Variants in ARB2A observed in about 807,000 individuals in gnomAD.
The protein encoded by ARB2A is ARB2 cotranscriptional regulator A.
the ARB2A span, among the ~76,000 whole-genome samples, chr5:94,015,336 T>C: frequency 6.6e-6 from 1 of 151,944 alleles, no homozygotes; most frequent in South Asian, 2.1e-4. Context: ...AAGTCTTTCG[T>C]AGACAAACAA....
the ARB2A span, among the ~76,000 whole-genome samples, chr5:93,632,049 C>T: frequency 6.6e-6 from 1 of 152,076 alleles, no homozygotes; most frequent in South Asian, 2.1e-4. Flanking sequence ...TCATTGTATG[C>T]CAGGCACTGT....
chr5:93,935,158 C>A, the ARB2A span, among the ~76,000 whole-genome samples: 1 of 151,896 alleles, frequency 6.6e-6, no homozygotes, highest in African/African-American at 2.4e-5. Context: ...ATTGGGTGCA[C>A]CAAAATATAA....
the ARB2A span, among the ~76,000 whole-genome samples, chr5:93,760,570 C>G: frequency 6.6e-6 from 1 of 152,100 alleles, no homozygotes; most frequent in Non-Finnish European, 1.5e-5. Flanking sequence ...ATCAATGGAA[C>G]AGAATAGAGA....
At chr5:94,024,686 G>A in the ARB2A span, among the ~76,000 whole-genome samples, 1 of 152,200 alleles carries the variant, frequency 6.6e-6, no homozygotes, top group East Asian at 1.9e-4. Flanking sequence ...AGACACAAAG[G>A]AGAGAGAGGT....
At chr5:93,980,268 G>A in the ARB2A span, among the ~76,000 whole-genome samples, 1 of 152,122 alleles carries the variant, frequency 6.6e-6, no homozygotes, top group East Asian at 1.9e-4. Flanking sequence ...TACAATTCTG[G>A]ATCAATAGTT....
At chr5:93,817,964 CA>C in the ARB2A span, among the ~76,000 whole-genome samples, 1 of 151,548 alleles carries the variant, frequency 6.6e-6, no homozygotes, top group African/African-American at 2.4e-5. Context: ...AGATTTGTAC[CA>C]ATATATAAAG....
At chr5:93,853,762 A>C in the ARB2A span, among the ~76,000 whole-genome samples, 1 of 152,214 alleles carries the variant, frequency 6.6e-6, no homozygotes, top group Non-Finnish European at 1.5e-5. Flanking sequence ...GATTACATAA[A>C]TTGATTTGCG....
the ARB2A span, among the ~76,000 whole-genome samples, chr5:94,071,788 T>C: frequency 6.6e-6 from 1 of 152,106 alleles, no homozygotes. Context: ...GTACAGCCAC[T>C]CTGGAAAATA....
chr5:93,822,273 G>A, the ARB2A span, among the ~76,000 whole-genome samples: 19 of 152,250 alleles, frequency 1.2e-4, no homozygotes, highest in African/African-American at 4.3e-4. Flanking sequence ...ACATCTGTGT[G>A]CTTTATATTA....
the ARB2A span, among the ~76,000 whole-genome samples, chr5:93,656,821 T>A: frequency 1.4e-5 from 2 of 143,786 alleles, no homozygotes; most frequent in African/African-American, 3.0e-5. Flanking sequence ...GTTTTTTTTT[T>A]AAACTTAGTT....
the ARB2A span, among the ~76,000 whole-genome samples, chr5:93,882,222 T>C: frequency 3.8e-4 from 58 of 151,432 alleles, no homozygotes; most frequent in Non-Finnish European, 1.6e-4. Context: ...TACAAAACCA[T>C]CCATACCTAC....
At chr5:93,810,750 T>A in the ARB2A span, among the ~76,000 whole-genome samples, 1 of 152,042 alleles carries the variant, frequency 6.6e-6, no homozygotes, top group Non-Finnish European at 1.5e-5. Flanking sequence ...TCCTGCCTAA[T>A]CTAGTGCTCT....
chr5:93,920,613 C>T, the ARB2A span, among the ~76,000 whole-genome samples: 1 of 151,956 alleles, frequency 6.6e-6, no homozygotes, highest in Non-Finnish European at 1.5e-5. Context: ...TCATTTAATA[C>T]CATATAATAT....
the ARB2A span, among the ~76,000 whole-genome samples, chr5:93,761,780 G>A: frequency 2.6e-5 from 4 of 152,196 alleles, no homozygotes; most frequent in African/African-American, 4.8e-5. Flanking sequence ...CCTGAGCCCC[G>A]AGTAGCCTAA....
chr5:93,917,096 G>A, the ARB2A span, among the ~76,000 whole-genome samples: 6 of 151,986 alleles, frequency 3.9e-5, no homozygotes, highest in Non-Finnish European at 4.4e-5. Flanking sequence ...AAATGTATGC[G>A]TATTATCTTC....
the ARB2A span, among the ~76,000 whole-genome samples, chr5:93,892,604 C>T: frequency 6.6e-6 from 1 of 152,176 alleles, no homozygotes; most frequent in Non-Finnish European, 1.5e-5. Context: ...GAAAACCACA[C>T]ACCACTGTGT....
chr5:93,844,001 G>A, the ARB2A span, among the ~76,000 whole-genome samples: 3 of 150,918 alleles, frequency 2.0e-5, no homozygotes, highest in African/African-American at 4.9e-5. Context: ...GCAAAATTTA[G>A]AACCCAGGAA....
At chr5:93,776,293 G>T in the ARB2A span, 2 of 1,419,440 alleles carry the variant, frequency 1.4e-6, no homozygotes, top group Non-Finnish European at 1.9e-6. Context: ...AAGCCAAGAT[G>T]GAATTTTTAG....
chr5:93,976,386 C>T, the ARB2A span, among the ~76,000 whole-genome samples: 42 of 152,272 alleles, frequency 2.8e-4, no homozygotes, highest in African/African-American at 1.0e-3. Context: ...CAAGATAGTA[C>T]TGAAAGTCCT....
Sources: allele counts gnomAD v4.1 joint callset (sites outside exome capture counted in the v4.1 genomes callset), GRCh38; gene constraint gnomAD v4.1.1; transcripts MANE v1.5; gene names NCBI Gene and HGNC (gene_info 2026-07-23, HGNC 2026-07-21).